Variants in VWF observed in about 807,000 individuals in gnomAD.
The protein encoded by VWF is Factor VIII related antigen.
In VWF, 176 loss-of-function variants were observed where a neutral mutation model predicts 308.6. The observed-to-expected ratio is 0.57, with a 90% CI of 0.50 to 0.65. The LOEUF (loss-of-function observed/expected upper bound fraction) is 0.65. VWF is among the 30% of genes least tolerant of loss of function. VWF has a pLI of 0.00. For synonymous variants in VWF, 1,385 were observed against 1,443.4 expected, an observed-to-expected ratio of 0.96 and a Z score of 0.92; for missense variants, 3,146 against 3,648.2, an observed-to-expected ratio of 0.86 and a Z score of 3.55.
intron 34 of VWF, among the ~76,000 whole-genome samples, chr12:5,996,772 A>G (rs1464950414): frequency 6.7e-6 from 1 of 149,946 alleles, no homozygotes; most frequent in Non-Finnish European, 1.5e-5. Flanking sequence ...AAAAAAAAAA[A>G]TGGTTGAGTC....
At chr12:6,012,276 A>T in intron 32 of VWF, 146 bp from the exon 33 acceptor site, 1 of 903,996 alleles carries the variant, frequency 1.1e-6, no homozygotes, top group Non-Finnish European at 1.9e-6. Context: ...CAGTGGAGAC[A>T]TAGGGACATG....
chr12:6,115,258 C>G (rs757793156), intron 3 of VWF, among the ~76,000 whole-genome samples: 5 of 152,128 alleles, frequency 3.3e-5, no homozygotes, highest in Non-Finnish European at 7.3e-5. Flanking sequence ...AGGCTGGCAT[C>G]GAACTCCTGG....
chr12:6,110,824 G>A (rs1945300021), intron 4 of VWF, 42 bp downstream of exon 4: 1 of 1,587,932 alleles, frequency 6.3e-7, no homozygotes, highest in Non-Finnish European at 8.6e-7. Flanking sequence ...TTGTGTCAGG[G>A]GATCCCTAGG....
chr12:5,976,474 C>T (rs1943534914), intron 42 of VWF, among the ~76,000 whole-genome samples: 1 of 152,186 alleles, frequency 6.6e-6, no homozygotes, highest in African/African-American at 2.4e-5. Context: ...TGACCAGTCT[C>T]TCAGGGGTGG....
chr12:6,057,759 C>A, intron 14 of VWF, 90 bp downstream of exon 14: 1 of 1,443,120 alleles, frequency 6.9e-7, no homozygotes, highest in South Asian at 1.4e-5. Context: ...CCGCCCTCCG[C>A]GGTGGGAGCA....
intron 10 of VWF, among the ~76,000 whole-genome samples, chr12:6,070,370 A>G (rs866078257): frequency 6.6e-6 from 1 of 152,184 alleles, no homozygotes; most frequent in African/African-American, 2.4e-5. Flanking sequence ...CCCTAAATAC[A>G]GTCCCAGGTA....
intron 34 of VWF, among the ~76,000 whole-genome samples, chr12:6,000,584 G>A (rs1179878198): frequency 1.3e-5 from 2 of 151,916 alleles, no homozygotes; most frequent in Admixed American, 6.6e-5. Context: ...GAGGCAGGCG[G>A]ATCACGAGGT....
intron 22 of VWF, among the ~76,000 whole-genome samples, chr12:6,028,885 G>A (rs936910795): frequency 1.3e-5 from 2 of 152,168 alleles, no homozygotes; most frequent in African/African-American, 4.8e-5. Context: ...ACATCATAAT[G>A]ACAGGATCAA....
At position 6,075,487 on chromosome 12, in the gene VWF, A is replaced by C. The variant is rs2136474453; in HGVS notation, c.722T>G (p.Val241Gly). The C allele has an allele frequency of 6.2e-7, 1 of 1,614,078 alleles. No individual in the cohort carries two copies. The highest frequency in any genetic ancestry group is 8.5e-7 in the Non-Finnish European group (1 of 1,180,056). Residue 241 changes from valine to glycine, a missense_variant, in exon 7 of 52, where the codon GTG (valine) becomes GGG (glycine). Val to Gly is a moderately radical substitution (Grantham distance 109). Coordinates refer to ENST00000261405, the MANE Select transcript of VWF (RefSeq NM_000552.5). The surrounding 1 kb of genome is among the most constrained non-coding windows in gnomAD (Gnocchi z 4.7). ...CAGGGCCACAAAAGGCTCGGGGTCC[A>C]CCAGAGGGTGGCAGCGGGCAAACAC... ...TSVFARCHPL[V>G]DPEPFVALCE...
intron 6 of VWF, among the ~76,000 whole-genome samples, chr12:6,084,493 G>A (rs573261356): frequency 1.3e-5 from 2 of 152,256 alleles, no homozygotes; most frequent in South Asian, 2.1e-4. Flanking sequence ...CATTAAAGAA[G>A]ACCAGGCATC....
In VWF at chr12:5,994,617, GAAGA is replaced by G; in HGVS notation, c.6064-14_6064-11del. ...TCCCATTCACCGTCACCTGCACAAA[GAAGA>G]AAGAGCTCATCCGTAGTCCTAGCAA... On this transcript the variant is annotated splice_polypyrimidine_tract_variant and intron_variant, in intron 35 of 51. Coordinates refer to ENST00000261405, the MANE Select transcript of VWF (RefSeq NM_000552.5). 1 of 1,613,766 alleles carries G rather than the reference GAAGA, an allele frequency of 6.2e-7. No homozygotes were observed. Among genetic ancestry groups the G allele is most frequent in the Non-Finnish European group, 8.5e-7 (1 of 1,179,684 alleles).
intron 18 of VWF, among the ~76,000 whole-genome samples, chr12:6,041,797 G>A (rs1357481303): frequency 6.6e-6 from 1 of 152,106 alleles, no homozygotes. Flanking sequence ...CATTGCTTTT[G>A]TTTTATTTTT....
At chr12:6,068,830 T>TGCGTGTGTGTGTGTG (rs1280885022) in intron 10 of VWF, among the ~76,000 whole-genome samples, 3 of 121,992 alleles carry the variant, frequency 2.5e-5, no homozygotes, top group African/African-American at 1.3e-4. Flanking sequence ...TTTTTTTTTT[T>TGCGTGTGTGTGTGTG]TTTGCGTGTG....
At chr12:6,001,097 A>G (rs1173126431) in intron 34 of VWF, among the ~76,000 whole-genome samples, 1 of 152,142 alleles carries the variant, frequency 6.6e-6, no homozygotes, top group Non-Finnish European at 1.5e-5. Context: ...ATGCTATTAA[A>G]AACTGAAAAA....
At chr12:6,032,917 T>TAC (rs533704459) in intron 20 of VWF, among the ~76,000 whole-genome samples, 2 of 148,186 alleles carry the variant, frequency 1.3e-5, no homozygotes, top group East Asian at 2.0e-4. Flanking sequence ...CACGTAGCCA[T>TAC]ACACACACAC....
intron 6 of VWF, among the ~76,000 whole-genome samples, chr12:6,093,728 T>C (rs953051481): frequency 6.6e-6 from 1 of 152,170 alleles, no homozygotes; most frequent in Admixed American, 6.5e-5. Flanking sequence ...GAATTACCCA[T>C]TGAGTGAGGT....
intron 13 of VWF, among the ~76,000 whole-genome samples, chr12:6,059,197 T>G (rs1944628347): frequency 6.6e-6 from 1 of 152,238 alleles, no homozygotes; most frequent in African/African-American, 2.4e-5. Flanking sequence ...ACATTAGGCC[T>G]TCTCCCACCT....
chr12:6,108,576 T>G (rs185246847), intron 5 of VWF, among the ~76,000 whole-genome samples: 1 of 144,718 alleles, frequency 6.9e-6, no homozygotes, highest in Non-Finnish European at 1.5e-5. Context: ...TGGGCATACA[T>G]AGAACACTTG....
chr12:5,999,077 A>T (rs1943844407), intron 34 of VWF, among the ~76,000 whole-genome samples: 1 of 152,192 alleles, frequency 6.6e-6, no homozygotes, highest in East Asian at 1.9e-4. Context: ...AAAAAACACC[A>T]AATCCCACCC....
Sources: gnomAD v4.1 joint callset for allele counts (sites outside exome capture counted in the v4.1 genomes callset) on GRCh38, gnomAD v4.1.1 for gene constraint, Gnocchi (gnomAD v3.1) non-coding constraint, MANE v1.5 for transcripts, NCBI Gene and HGNC (gene_info 2026-07-23, HGNC 2026-07-21) for gene names.